The following ARHGAP27 variants were observed in gnomAD, a reference collection of about 807,000 sequenced individuals.
ARHGAP27 encodes Rho GTPase activating protein 27.
ARHGAP27 carries 53 observed loss-of-function variants against 102.0 expected under a neutral mutation model. The ratio of observed to expected loss-of-function variants is 0.52; its 90% CI spans 0.42 to 0.65. The LOEUF is 0.65. ARHGAP27 is among the 30% of genes least tolerant of loss of function. ARHGAP27 has a pLI of 0.00. For synonymous variants in ARHGAP27, 525 were observed against 542.8 expected (o/e 0.97, Z 0.46); for missense variants, 1,117 against 1,256.2 (o/e 0.89, Z 1.68).
chr17:45,422,416 C>CAAACA (rs1336739515), intron 4 of ARHGAP27, among the ~76,000 whole-genome samples: 1 of 151,550 alleles, frequency 6.6e-6, no homozygotes, highest in Non-Finnish European at 1.5e-5. Context: ...GACCCTATCT[C>CAAACA]AAACAAAACA....
intron 4 of ARHGAP27, among the ~76,000 whole-genome samples, chr17:45,425,333 TC>T (rs1350974487): frequency 6.6e-6 from 1 of 151,872 alleles, no homozygotes; most frequent in African/African-American, 2.4e-5. Flanking sequence ...CTTGCCAAAG[TC>T]CCCCTAGCTG....
rs1402849960 is a variant in ARHGAP27, at chr17:45,396,115, C to T, written c.2254G>A (p.Glu752Lys). Residue 752 changes from glutamate (E) to lysine (K), a missense_variant and splice_region_variant, in exon 18 of 20, where the codon GAG becomes AAG. This residue lies in a region of ARHGAP27 where 493 missense variants were observed against 505.5 expected (regional missense o/e 0.98). Transcript: ENST00000685559. ...CGCCCGTCATCCAGGTCAAGGCGCT[C>T]ATCTGTGGCGGAGGAAGGGAGGAGG... ...QKLRYKVDHD[E>K]RLDLDDGRWE... The T allele has an allele frequency of 1.2e-6, 2 of 1,609,874 alleles. No homozygotes were observed. Among genetic ancestry groups the T allele is most frequent in the Non-Finnish European group, 1.7e-6 (2 of 1,177,646 alleles).
At chr17:45,419,126 G>A (rs981139444) in intron 4 of ARHGAP27, among the ~76,000 whole-genome samples, 4 of 152,104 alleles carry the variant, frequency 2.6e-5, no homozygotes, top group Non-Finnish European at 4.4e-5. Context: ...CAGCACAGCC[G>A]GGACCCAGGA....
In ARHGAP27 at chr17:45,430,096, G is replaced by C; in HGVS notation, c.184C>G (p.Gln62Glu). The C allele has an allele frequency of 1.3e-6, 2 of 1,508,640 alleles. No individual in the cohort carries two copies. Among genetic ancestry groups the C allele is most frequent in the Non-Finnish European group, 1.8e-6 (2 of 1,136,024 alleles). 93.5% of individuals were successfully genotyped at this position (1,508,640 alleles called of 1,614,324 possible). Residue 62 changes from glutamine (Q) to glutamate (E), a missense_variant, in exon 4 of 20, where the codon CAG becomes GAG. Physicochemically the swap from Gln to Glu is conservative, Grantham distance 29 (BLOSUM62 2). Transcript: ENST00000685559. This position sits in a 1 kb window ranked among gnomAD's most constrained non-coding sequence, Gnocchi z 4.4. ...PGGRPFYLPA[Q>E]YVRELPALGN... Reference sequence around the variant, plus strand: ...AGCGCGGGCAGCTCGCGCACGTACTGCGCAGGCAGGTAGAAGGGGCGGCCG... The same window carrying C: ...AGCGCGGGCAGCTCGCGCACGTACTCCGCAGGCAGGTAGAAGGGGCGGCCG...
rs2046605105 is a variant in ARHGAP27 at position 45,402,823 on chromosome 17, G to A, written c.1639-5C>T. 6.2e-7 allele frequency: 1 copy of A among 1,608,708 alleles called. No individual in the cohort carries two copies. Among genetic ancestry groups the A allele is most frequent in the Non-Finnish European group, 8.5e-7 (1 of 1,175,402 alleles). On this transcript the variant is annotated splice_region_variant and splice_polypyrimidine_tract_variant and intron_variant, in intron 11 of 19. Transcript: ENST00000685559. ...GGAAAACTTGGAAGGCTGCCTCTGT[G>A]GGAGAGGGAGGAAGGTCACAGGGAG...
chr17:45,402,407 TC>T (rs2046544886), intron 12 of ARHGAP27, among the ~76,000 whole-genome samples: 1 of 152,124 alleles, frequency 6.6e-6, no homozygotes, highest in Non-Finnish European at 1.5e-5. Context: ...AAAGGACAGG[TC>T]CCCTGGGGCG....
chr17:45,394,626 C>A lies in ARHGAP27; in HGVS notation c.*830G>T, dbSNP rs898094962. 6.6e-6 allele frequency: 1 copy of A among 152,288 alleles called. No individual in the cohort carries two copies. The highest frequency in any genetic ancestry group is 2.4e-5 in the African/African-American group (1 of 41,454). 9.4% of individuals were successfully genotyped at this position (152,288 alleles called of 1,614,324 possible). A position where few individuals can be genotyped will look rare whatever the true frequency, so the allele number is the denominator to read the frequency against. ...CTGAAAGAACTGATTTTCCCCCTAC[C>A]CAGGCTGTACTCTGGTGTGGGAGGA... On this transcript the variant is annotated 3_prime_UTR_variant, in exon 20 of 20. Transcript: ENST00000685559.
chr17:45,397,400 C>T, intron 13 of ARHGAP27: 1 of 670,568 alleles, frequency 1.5e-6, no homozygotes, highest in Non-Finnish European at 2.0e-6. Flanking sequence ...GGCCGGAGCA[C>T]TGCCAACAAC....
At chr17:45,414,130 T>C (rs966525054) in intron 4 of ARHGAP27, among the ~76,000 whole-genome samples, 10 of 149,454 alleles carry the variant, frequency 6.7e-5, no homozygotes, top group Non-Finnish European at 1.2e-4. Context: ...AAATGGTCCA[T>C]GAGGGAACCT....
rs2046598589 is a variant in ARHGAP27 at position 45,402,761 on chromosome 17, G to A, written c.1696C>T (p.Leu566Phe). Reference protein sequence around the residue: ...EYTVELRGATLSWAPKDKSSR... With the variant: ...EYTVELRGATFSWAPKDKSSR... Reference sequence around the variant, plus strand: ...GATTTGTCTTTGGGGGCCCAGGAGAGAGTGGCCCCCCTCAGCTCCACTGTG... The same window carrying A: ...GATTTGTCTTTGGGGGCCCAGGAGAAAGTGGCCCCCCTCAGCTCCACTGTG... The change falls in exon 12 of 20, where the codon CTC becomes TTC. Residue 566 changes from leucine to phenylalanine, a missense_variant. By Grantham distance (22) the Leu-to-Phe change is conservative (BLOSUM62 0). This residue lies in a region of ARHGAP27 where 493 missense variants were observed against 505.5 expected (regional missense o/e 0.98). Transcript: ENST00000685559. The A allele has an allele frequency of 5.6e-6, 9 of 1,613,304 alleles. No homozygotes were observed. Among genetic ancestry groups the A allele is most frequent in the Non-Finnish European group, 5.9e-6 (7 of 1,179,578 alleles).
chr17:45,413,755 T>C (rs960362677), intron 4 of ARHGAP27, among the ~76,000 whole-genome samples: 3 of 151,998 alleles, frequency 2.0e-5, no homozygotes, highest in African/African-American at 7.2e-5. Flanking sequence ...ACGCTTGTGC[T>C]CTAAGTAAGG....
chr17:45,396,705 G>A lies in ARHGAP27; in HGVS notation c.2037C>T (p.Pro679=), dbSNP rs1210754013. 2 of 1,613,866 alleles carry A rather than the reference G, an allele frequency of 1.2e-6. No individual in the cohort carries two copies. Among genetic ancestry groups the A allele is most frequent in the Non-Finnish European group, 1.7e-6 (2 of 1,179,794 alleles). The change falls in exon 15 of 20, where the codon CCC becomes CCT. Residue 679 remains proline, a synonymous_variant. Transcript: ENST00000685559. ...HKLRKFLQRR[P]TLQSLREKGY... is the part of the protein sequence containing the mutation. The stretch of plus-strand genomic sequence containing the variant: ...CCTTCTCCCGCAGCGACTGCAGTGT[G>A]GGCCGCCTCTGGAGGAACTTGCGGA...
chr17:45,396,534 C>A lies in ARHGAP27; in HGVS notation c.2126G>T (p.Arg709Leu), dbSNP rs779791561. ...LAALCERERS[R>L]VPRFVQQCIR... ...GCACTGCTGCACGAAGCGTGGCACC[C>A]GGCTCCTCTCGCGCTCACACAGCGC... is the stretch of plus-strand genomic sequence containing the variant. The change falls in exon 16 of 20, where the codon CGG (arginine) becomes CTG (leucine). Residue 709 changes from arginine to leucine, a missense_variant. Physicochemically the swap from Arg to Leu is moderately radical, Grantham distance 102. Coordinates refer to ENST00000685559, the MANE Select transcript of ARHGAP27 (RefSeq NM_001282290.2). The A allele has an allele frequency of 6.3e-7, 1 of 1,587,112 alleles. No individual in the cohort carries two copies. The highest frequency in any genetic ancestry group is 1.1e-5 in the South Asian group (1 of 89,310).
At position 45,430,598 on chromosome 17, in the gene ARHGAP27, G is replaced by A. The variant is rs1259766470; in HGVS notation, c.-18-301C>T. 1.3e-4 allele frequency among the ~76,000 whole-genome samples: 20 copies of A among 152,284 alleles called. No individual in the cohort carries two copies. The East Asian group carries it at 3.9e-3, about 29-fold the overall frequency. Reference sequence around the variant, plus strand: ...TAGTCTTGGTCCAAATCGACTGCGAGGGAAGCCTTGGCTTTAAAACGAGGG... The same window carrying A: ...TAGTCTTGGTCCAAATCGACTGCGAAGGAAGCCTTGGCTTTAAAACGAGGG... On this transcript the variant is annotated intron_variant, in intron 3 of 19. Transcript: ENST00000685559. This position sits in a 1 kb window ranked among gnomAD's most constrained non-coding sequence, Gnocchi z 4.4.
rs1426158323 is a variant in ARHGAP27, at chr17:45,430,333, GAC to G, written c.-18-38_-18-37del. On this transcript the variant is annotated intron_variant, in intron 3 of 19. Transcript: ENST00000685559. The surrounding 1 kb of genome is among the most constrained non-coding windows in gnomAD (Gnocchi z 4.4). ...CAAGAAGGAGGGCCGCGGAGGTCAA[GAC>G]CACCGAGCCTGGAATAGCCCCGCAC... 1 of 1,514,536 alleles carries G rather than the reference GAC, an allele frequency of 6.6e-7. No homozygotes were observed. Among genetic ancestry groups the G allele is most frequent in the African/African-American group, 1.4e-5 (1 of 70,972 alleles). The allele number at this position is 1,514,536 out of a possible 1,614,324, so 93.8% of individuals were successfully genotyped here.
rs998663513 is a variant in ARHGAP27, at chr17:45,410,179, C to T, written c.658-4096G>A. On this transcript the variant is annotated intron_variant, in intron 4 of 19. Coordinates refer to ENST00000685559, the MANE Select transcript of ARHGAP27 (RefSeq NM_001282290.2). ...AAGCCCCAGCTCACCCAGCTCCTAA[C>T]AGGGCTTGTGGTAGAGGCCCACCGG... 6 of 1,527,140 alleles carry T rather than the reference C, an allele frequency of 3.9e-6. No homozygotes were observed. The African/African-American group carries it at 8.3e-5, about 21-fold the overall frequency. 94.6% of individuals were successfully genotyped at this position (1,527,140 alleles called of 1,614,324 possible).
Position 45,394,593 on chromosome 17 carries a change from G to T in ARHGAP27, c.*863C>A. Reference sequence around the variant, plus strand: ...TTCACATAGGCCCAAAGGTTGGATGGGTGGTAGCTGAAAGAACTGATTTTC... The same window carrying T: ...TTCACATAGGCCCAAAGGTTGGATGTGTGGTAGCTGAAAGAACTGATTTTC... On this transcript the variant is annotated 3_prime_UTR_variant, in exon 20 of 20. Coordinates refer to ENST00000685559, the MANE Select transcript of ARHGAP27 (RefSeq NM_001282290.2). The T allele has an allele frequency of 6.6e-6, 1 of 152,396 alleles. No individual in the cohort carries two copies. The allele number at this position is 152,396 out of a possible 1,614,324, so 9.4% of individuals were successfully genotyped here.
chr17:45,429,600 C>T (rs774476545), intron 4 of ARHGAP27, 23 bp downstream of exon 4: 7 of 1,573,500 alleles, frequency 4.4e-6, no homozygotes, highest in Middle Eastern at 1.7e-4. Context: ...CCCGCCTCCG[C>T]GCCCCAGCGC....
chr17:45,429,503 G>A, intron 4 of ARHGAP27, 120 bp downstream of exon 4: 1 of 1,517,470 alleles, frequency 6.6e-7, no homozygotes, highest in East Asian at 2.4e-5. Flanking sequence ...CGAAGTCTTC[G>A]GACAGAGGTG....
Sources: allele counts gnomAD v4.1 joint callset (sites outside exome capture counted in the v4.1 genomes callset), GRCh38; gene constraint gnomAD v4.1.1; regional missense constraint gnomAD v4.1.1; non-coding constraint Gnocchi (gnomAD v3.1); transcripts MANE v1.5; gene names NCBI Gene and HGNC (gene_info 2026-07-23, HGNC 2026-07-21).